Variants in EPS15L1 observed in about 807,000 individuals in gnomAD.
EPS15L1 encodes the protein epidermal growth factor receptor substrate 15-like 1.
EPS15L1 carries 43 observed loss-of-function variants against 117.1 expected under a neutral mutation model. The ratio of observed to expected loss-of-function variants is 0.37; its 90% CI spans 0.29 to 0.47. The LOEUF (loss-of-function observed/expected upper bound fraction) is 0.47. EPS15L1 is among the 20% of genes least tolerant of loss of function. The pLI is 0.99. For synonymous variants in EPS15L1, 459 were observed against 470.5 expected (o/e 0.98, Z 0.32); for missense variants, 981 against 1,164.0 (o/e 0.84, Z 2.29).
At chr19:16,401,795 C>G in intron 16 of EPS15L1, 3 of 985,908 alleles carry the variant, frequency 3.0e-6, no homozygotes, top group Non-Finnish European at 3.6e-6. Context: ...ACCAAAATTT[C>G]AGGAGAGGCC....
rs779900053 is a variant in EPS15L1, at chr19:16,377,159, C to T, written c.2343G>A (p.Pro781=). The T allele has an allele frequency of 3.7e-6, 6 of 1,609,330 alleles. No individual in the cohort carries two copies. The South Asian group carries it at 4.4e-5, about 12-fold the overall frequency. The stretch of plus-strand genomic sequence containing the variant: ...TAGGCCGTGGAGGAGCAGGTTTCTT[C>T]GGAGGCAGAGCAGGAGTGTCCTGTT... ...KSKQDTPALP[P]KKPAPPRPKP... Residue 781 remains proline, a synonymous_variant, in exon 22 of 24, where the codon CCG becomes CCA. Transcript: ENST00000455140.
chr19:16,400,364 A>C (rs954808501), intron 16 of EPS15L1, among the ~76,000 whole-genome samples: 56 of 151,966 alleles, frequency 3.7e-4, no homozygotes, highest in Non-Finnish European at 6.6e-4. Flanking sequence ...AACAAAAAAA[A>C]AAAAAAACCC....
At position 16,405,698 on chromosome 19, in the gene EPS15L1, C is replaced by T. The variant is rs551634161; in HGVS notation, c.1267-949G>A. ...GGGACATGAGCACACTGCATTTGTG[C>T]GAACGGGAAGGGGAGGGTATGTGTG... On this transcript the variant is annotated intron_variant, in intron 13 of 23. Transcript: ENST00000455140. The surrounding 1 kb of genome is among the most constrained non-coding windows in gnomAD (Gnocchi z 4.0). Among the ~76,000 whole-genome samples the T allele has an allele frequency of 2.0e-5, 3 of 152,278 alleles. No individual in the cohort carries two copies. Among genetic ancestry groups the T allele is most frequent in the African/African-American group, 4.8e-5 (2 of 41,546 alleles).
intron 16 of EPS15L1, among the ~76,000 whole-genome samples, chr19:16,399,512 G>A (rs560649137): frequency 4.6e-5 from 7 of 152,230 alleles, no homozygotes; most frequent in South Asian, 2.1e-4. Flanking sequence ...TGACATTCCC[G>A]CCCTTTAGAG....
intron 1 of EPS15L1, among the ~76,000 whole-genome samples, chr19:16,453,508 T>C (rs970632066): frequency 2.0e-5 from 3 of 152,026 alleles, no homozygotes; most frequent in Non-Finnish European, 4.4e-5. Context: ...GGTCAGGAGA[T>C]CGAGACCATC....
chr19:16,360,544 C>G (rs1356922285), intron 23 of EPS15L1, among the ~76,000 whole-genome samples: 1 of 151,640 alleles, frequency 6.6e-6, no homozygotes, highest in South Asian at 2.1e-4. Flanking sequence ...GAGTTCCAGA[C>G]CAGCCCAGGC....
At chr19:16,437,067 G>A (rs1305117199) in intron 5 of EPS15L1, 68 bp from the exon 6 acceptor site, 1 of 1,390,744 alleles carries the variant, frequency 7.2e-7, no homozygotes, top group African/African-American at 1.4e-5. Context: ...TGGGTTTGCT[G>A]AAAAGGATAC....
chr19:16,447,887 C>A (rs1224517646), intron 1 of EPS15L1, among the ~76,000 whole-genome samples: 1 of 152,058 alleles, frequency 6.6e-6, no homozygotes, highest in Non-Finnish European at 1.5e-5. Context: ...GGAGTATTGG[C>A]AGGGGGCGGG....
intron 7 of EPS15L1, among the ~76,000 whole-genome samples, chr19:16,429,498 A>C (rs1260514019): frequency 6.6e-6 from 1 of 152,132 alleles, no homozygotes; most frequent in African/African-American, 2.4e-5. Flanking sequence ...CCAGGGCTTC[A>C]GTCCATGCAG....
At position 16,400,667 on chromosome 19, in the gene EPS15L1, AAC is replaced by A. The variant is rs1238779521; in HGVS notation, c.1791+1652_1791+1653del. The A allele has an allele frequency of 3.0e-6, 3 of 985,450 alleles. No individual in the cohort carries two copies. In the African/African-American group the frequency reaches 5.2e-5, roughly 17 times the overall value. 61.0% of individuals were successfully genotyped at this position (985,450 alleles called of 1,614,324 possible). ...AACTGTATTTGTACAACAGGATAAA[AAC>A]AGTTTTTCTTTCGGATGCCAGTTGC... On this transcript the variant is annotated intron_variant, in intron 16 of 23. Coordinates refer to ENST00000455140, the MANE Select transcript of EPS15L1 (RefSeq NM_001258374.3).
In EPS15L1 at chr19:16,355,365, A is replaced by C; in HGVS notation, c.*340T>G. On this transcript the variant is annotated 3_prime_UTR_variant, in exon 24 of 24. Transcript: ENST00000455140. ...AGGGCGGGTGGGGATGTCTGCAGCT[A>C]TGAGTAGGGAGGAGGCGGGGAAGCC... The C allele has an allele frequency of 6.9e-5, 17 of 244,690 alleles. No homozygotes were observed. Among genetic ancestry groups the C allele is most frequent in the East Asian group, 7.6e-5 (1 of 13,152 alleles). The allele number at this position is 244,690 out of a possible 1,614,324, so 15.2% of individuals were successfully genotyped here.
intron 23 of EPS15L1, among the ~76,000 whole-genome samples, chr19:16,360,578 CA>C (rs35743635): frequency 2.3e-4 from 32 of 138,900 alleles, no homozygotes; most frequent in South Asian, 4.6e-4. Context: ...CCTACCTCTA[CA>C]AAAAAAAAAA....
intron 1 of EPS15L1, among the ~76,000 whole-genome samples, chr19:16,449,445 A>G (rs1222069703): frequency 6.6e-6 from 1 of 152,214 alleles, no homozygotes; most frequent in Non-Finnish European, 1.5e-5. Flanking sequence ...ACTGCACGCT[A>G]TCAGAGTGGC....
chr19:16,458,297 A>G (rs1355844795), intron 1 of EPS15L1, among the ~76,000 whole-genome samples: 1 of 152,170 alleles, frequency 6.6e-6, no homozygotes. Flanking sequence ...CGGACCCCAC[A>G]GTGAGCAGAA....
At chr19:16,441,719 C>A in intron 3 of EPS15L1, 173 bp downstream of exon 3, 1 of 491,264 alleles carries the variant, frequency 2.0e-6, no homozygotes, top group Non-Finnish European at 3.7e-6. Flanking sequence ...GTGGTGGGGG[C>A]TGCCACCTGG....
intron 1 of EPS15L1, among the ~76,000 whole-genome samples, chr19:16,456,161 T>C (rs889558930): frequency 5.3e-5 from 8 of 151,912 alleles, no homozygotes; most frequent in African/African-American, 1.9e-4. Flanking sequence ...GGTTGTGCCA[T>C]TGCACTCCAG....
At chr19:16,441,842 G>T (rs751492265) in intron 3 of EPS15L1, 50 bp downstream of exon 3, 1 of 1,459,422 alleles carries the variant, frequency 6.9e-7, no homozygotes, top group South Asian at 1.2e-5. Context: ...CCTGCGGGGG[G>T]AGCTGTGAGG....
intron 22 of EPS15L1, 131 bp downstream of exon 22, chr19:16,376,991 G>T: frequency 8.3e-7 from 1 of 1,207,658 alleles, no homozygotes. Flanking sequence ...CTGGGCCGGG[G>T]GGACCCTCTT....
At chr19:16,376,993 G>C (rs1055588045) in intron 22 of EPS15L1, 129 bp downstream of exon 22, 30 of 1,215,982 alleles carry the variant, frequency 2.5e-5, no homozygotes, top group Admixed American at 2.1e-4. Flanking sequence ...GGGCCGGGGG[G>C]ACCCTCTTGC....
Sources: gnomAD v4.1 joint callset for allele counts (sites outside exome capture counted in the v4.1 genomes callset) on GRCh38, gnomAD v4.1.1 for gene constraint, Gnocchi (gnomAD v3.1) non-coding constraint, MANE v1.5 for transcripts, NCBI Gene and HGNC (gene_info 2026-07-23, HGNC 2026-07-21) for gene names.